The following WWOX variants were observed in gnomAD, a reference collection of about 807,000 sequenced individuals.
The protein encoded by WWOX is WW domain-containing oxidoreductase.
Under a neutral mutation model 46.2 loss-of-function variants are expected in WWOX, and 69 were observed. The ratio of observed to expected loss-of-function variants is 1.49; its 90% CI spans 1.23 to 1.82. The LOEUF is 1.82. WWOX is among the 40% of genes most tolerant of loss of function. The pLI is 0.00. For missense variants in WWOX, 919 were observed against 542.6 expected (o/e 1.69, Z -6.89); for synonymous variants, 359 against 202.6 (o/e 1.77, Z -6.56).
chr16:79,031,720 T>G (rs1445360877), intron 8 of WWOX, among the ~76,000 whole-genome samples: 1 of 147,948 alleles, frequency 6.8e-6, no homozygotes, highest in East Asian at 1.9e-4. Context: ...TTTTTTTGTT[T>G]TGCTTAATAG....
chr16:78,834,125 A>C (rs541187046), intron 8 of WWOX, among the ~76,000 whole-genome samples: 26 of 152,342 alleles, frequency 1.7e-4, no homozygotes, highest in African/African-American at 6.3e-4. Context: ...GGAGCCTGTT[A>C]AGACCAGTGA....
At chr16:78,583,569 G>A (rs2151591752) in intron 8 of WWOX, among the ~76,000 whole-genome samples, 1 of 152,300 alleles carries the variant, frequency 6.6e-6, no homozygotes, top group Admixed American at 6.5e-5. Context: ...CTTGAGAGGA[G>A]GCCTTGAAAT....
At chr16:79,190,658 C>T (rs979672645) in intron 8 of WWOX, among the ~76,000 whole-genome samples, 2 of 152,202 alleles carry the variant, frequency 1.3e-5, no homozygotes, top group South Asian at 4.1e-4. Context: ...TGATTAACTA[C>T]TTGGCATTAG....
intron 8 of WWOX, among the ~76,000 whole-genome samples, chr16:78,458,724 C>T (rs1032826008): frequency 6.6e-6 from 1 of 152,022 alleles, no homozygotes; most frequent in African/African-American, 2.4e-5. Context: ...AAATACATGT[C>T]TATATGTGTA....
chr16:78,437,364 G>A (rs1018833960), intron 8 of WWOX, among the ~76,000 whole-genome samples: 1 of 152,164 alleles, frequency 6.6e-6, no homozygotes, highest in African/African-American at 2.4e-5. Flanking sequence ...GGATGTTCTT[G>A]TGCAACTTTA....
In WWOX at chr16:78,882,833, A is replaced by C. The variant is rs529980261; in HGVS notation, c.1057-328775A>C. Among the ~76,000 whole-genome samples, 3 of 152,170 alleles carry C rather than the reference A, an allele frequency of 2.0e-5. No homozygotes were observed. The East Asian group carries it at 5.8e-4, about 29-fold the overall frequency. On this transcript the variant is annotated intron_variant, in intron 8 of 8. Transcript: ENST00000566780. ...TTTTTACAATGCCACCATTTAAAAA[A>C]AAAAAAAAGGGCATTAATGCATTTA... is the stretch of plus-strand genomic sequence containing the variant.
At chr16:78,763,186 G>C (rs4888844) in intron 8 of WWOX, among the ~76,000 whole-genome samples, 5 of 152,110 alleles carry the variant, frequency 3.3e-5, no homozygotes, top group Non-Finnish European at 7.3e-5. Context: ...TGTTCAAGCA[G>C]TTGGCGTATG....
At chr16:79,013,924 A>G (rs944276406) in intron 8 of WWOX, among the ~76,000 whole-genome samples, 1 of 152,182 alleles carries the variant, frequency 6.6e-6, no homozygotes, top group African/African-American at 2.4e-5. Flanking sequence ...CAAGAACACC[A>G]GAAACACCTC....
At chr16:78,430,767 T>G (rs891649870) in intron 7 of WWOX, among the ~76,000 whole-genome samples, 1 of 152,174 alleles carries the variant, frequency 6.6e-6, no homozygotes, top group African/African-American at 2.4e-5. Flanking sequence ...TTGATGACTT[T>G]AGAGCAGCTA....
intron 8 of WWOX, among the ~76,000 whole-genome samples, chr16:78,612,137 C>A (rs377631650): frequency 5.3e-5 from 8 of 152,136 alleles, no homozygotes; most frequent in African/African-American, 1.4e-4. Flanking sequence ...CTCCTTTGGG[C>A]CAGAATTTGC....
chr16:79,061,060 A>G (rs535347911), intron 8 of WWOX, among the ~76,000 whole-genome samples: 1 of 152,196 alleles, frequency 6.6e-6, no homozygotes, highest in Non-Finnish European at 1.5e-5. Context: ...TTCATACCAC[A>G]CAGCCTCTCG....
intron 8 of WWOX, chr16:79,016,553 G>A (rs1252555715): frequency 6.6e-6 from 1 of 152,360 alleles, no homozygotes; most frequent in Non-Finnish European, 1.5e-5. Flanking sequence ...CTCCTGAGTA[G>A]CTGGTATTAT....
chr16:78,533,022 C>G (rs1217106044), intron 8 of WWOX, among the ~76,000 whole-genome samples: 2 of 152,178 alleles, frequency 1.3e-5, no homozygotes, highest in Non-Finnish European at 2.9e-5. Flanking sequence ...GGAGCTGCCA[C>G]CGTCAGTAGA....
At chr16:78,940,199 C>G (rs1039610060) in intron 8 of WWOX, among the ~76,000 whole-genome samples, 6 of 152,136 alleles carry the variant, frequency 3.9e-5, no homozygotes, top group African/African-American at 1.4e-4. Flanking sequence ...GTATTACACA[C>G]ATTATAAATT....
At chr16:78,785,059 A>G (rs1292233661) in intron 8 of WWOX, among the ~76,000 whole-genome samples, 2 of 152,168 alleles carry the variant, frequency 1.3e-5, no homozygotes, top group Admixed American at 6.5e-5. Flanking sequence ...GTTAAATTCT[A>G]AAGACTTGGG....
intron 8 of WWOX, among the ~76,000 whole-genome samples, chr16:78,884,273 C>CAAAAAAAAAA (rs71384384): frequency 4.3e-5 from 2 of 46,590 alleles, no homozygotes; most frequent in African/African-American, 7.9e-5. Context: ...ACCCTGTCTC[C>CAAAAAAAAAA]AAAAAAAAAA....
intron 8 of WWOX, among the ~76,000 whole-genome samples, chr16:78,877,744 G>T (rs983294011): frequency 6.6e-6 from 1 of 152,138 alleles, no homozygotes; most frequent in Non-Finnish European, 1.5e-5. Context: ...CCTAGAGGAA[G>T]GCTTAGCACG....
At chr16:78,679,231 T>C (rs1394910981) in intron 8 of WWOX, among the ~76,000 whole-genome samples, 2 of 152,144 alleles carry the variant, frequency 1.3e-5, no homozygotes, top group Non-Finnish European at 2.9e-5. Context: ...TTTCTTACCA[T>C]GATGGCGTTG....
intron 8 of WWOX, among the ~76,000 whole-genome samples, chr16:78,772,772 G>A (rs529506749): frequency 3.9e-5 from 6 of 152,246 alleles, no homozygotes; most frequent in South Asian, 2.1e-4. Flanking sequence ...TAATCTCAGC[G>A]CTTTGTGGGG....
Sources: gnomAD v4.1 joint callset for allele counts (sites outside exome capture counted in the v4.1 genomes callset) on GRCh38, gnomAD v4.1.1 for gene constraint, MANE v1.5 for transcripts, NCBI Gene and HGNC (gene_info 2026-07-23, HGNC 2026-07-21) for gene names.